The following INF2 variants were observed in gnomAD, a reference collection of about 807,000 sequenced individuals.
The protein encoded by INF2 is inverted formin-2.
INF2 carries 43 observed loss-of-function variants against 123.5 expected under a neutral mutation model. The ratio of observed to expected loss-of-function variants is 0.35; its 90% CI spans 0.27 to 0.45. The LOEUF (loss-of-function observed/expected upper bound fraction) is 0.45, where lower values mean the gene tolerates loss of function less well. Ranked by LOEUF, INF2 falls within the 20% of genes least tolerant of loss-of-function variation. INF2 has a pLI of 1.00. For synonymous variants in INF2, 851 were observed against 745.0 expected (o/e 1.14, Z -2.32); for missense variants, 1,453 against 1,682.7 (o/e 0.86, Z 2.39).
upstream of INF2, among the ~76,000 whole-genome samples, chr14:104,687,129 G>A (rs1300912717): frequency 2.0e-5 from 3 of 152,186 alleles, no homozygotes; most frequent in African/African-American, 7.2e-5. This position sits in a 1 kb window ranked among gnomAD's most constrained non-coding sequence, Gnocchi z 5.6. Context: ...CTCCAGGCAG[G>A]CCATGGCTTC....
chr14:104,697,948 G>A (rs116996185), intron 1 of INF2, among the ~76,000 whole-genome samples: 3,488 of 152,350 alleles, frequency 0.023, 65 homozygotes, highest in Non-Finnish European at 0.038. Flanking sequence ...CCAAGGCATG[G>A]GGTCTGGCCT....
At chr14:104,715,539 T>C (rs1019309644) in intron 22 of INF2, among the ~76,000 whole-genome samples, 199 bp downstream of exon 22, 1 of 152,148 alleles carries the variant, frequency 6.6e-6, no homozygotes, top group Non-Finnish European at 1.5e-5. Flanking sequence ...GGTTACCTGC[T>C]CAACTGGTGC....
At chr14:104,709,777 C>A in intron 12 of INF2, 72 bp downstream of exon 12, 1 of 1,349,104 alleles carries the variant, frequency 7.4e-7, no homozygotes. Context: ...GGGAGCAGGG[C>A]CCAGCCAGGG....
At chr14:104,683,304 T>TCCTAC (rs1222516538) in intron 1 of INF2, among the ~76,000 whole-genome samples, 1 of 152,086 alleles carries the variant, frequency 6.6e-6, no homozygotes, top group Non-Finnish European at 1.5e-5. Flanking sequence ...GCATGCATCC[T>TCCTAC]CCTACGTGCC....
At chr14:104,712,598 G>C (rs1199752562) in intron 17 of INF2, 45 bp downstream of exon 17, 1 of 1,611,570 alleles carries the variant, frequency 6.2e-7, no homozygotes, top group African/African-American at 1.3e-5. Flanking sequence ...AGGCTGCCCT[G>C]ATAGAGTGAG....
intron 21 of INF2, 107 bp downstream of exon 21, chr14:104,714,963 G>A (rs572403326): frequency 1.6e-6 from 2 of 1,246,934 alleles, no homozygotes; most frequent in African/African-American, 3.0e-5. Context: ...GCACCCAGGA[G>A]AGGTGACTTG....
At chr14:104,698,065 T>C (rs1049994179) in intron 1 of INF2, among the ~76,000 whole-genome samples, 5 of 152,248 alleles carry the variant, frequency 3.3e-5, no homozygotes, top group African/African-American at 1.2e-4. Context: ...TTCCTGTGCC[T>C]GTGGGGAGGT....
intron 20 of INF2, among the ~76,000 whole-genome samples, chr14:104,713,892 C>G (rs76501953): frequency 6.6e-6 from 1 of 152,242 alleles, no homozygotes. Context: ...GCCCACTGAC[C>G]GATGCCCTTG....
intron 19 of INF2, 45 bp from the exon 20 acceptor site, chr14:104,713,400 G>A: frequency 6.3e-7 from 1 of 1,590,604 alleles, no homozygotes; most frequent in Non-Finnish European, 8.6e-7. Context: ...CTCTAGGTGG[G>A]CTCCAGGGTC....
At chr14:104,683,667 G>C (rs1346838089) in intron 1 of INF2, among the ~76,000 whole-genome samples, 1 of 143,112 alleles carries the variant, frequency 7.0e-6, no homozygotes, top group Non-Finnish European at 1.5e-5. Flanking sequence ...GGAGACTTTG[G>C]AGACCTACAA....
At position 104,707,436 on chromosome 14, in the gene INF2, C is replaced by T; in HGVS notation, c.1169C>T (p.Ala390Val). 6.4e-7 allele frequency: 1 copy of T among 1,572,074 alleles called. No homozygotes were observed. Among genetic ancestry groups the T allele is most frequent in the Non-Finnish European group, 8.6e-7 (1 of 1,159,788 alleles). ...AGCGTGGAGGGCCAGCAGCCAGCAG[C>T]AGCTGCTGCCTGCGAGCCCGTGGAC... ...KPSVEGQQPA[A>V]AAACEPVDHA... is the part of the protein sequence containing the mutation. Residue 390 changes from alanine to valine, a missense_variant, in exon 8 of 23, where the codon GCA becomes GTA. Ala to Val is a moderately conservative substitution (Grantham distance 64, BLOSUM62 0). Coordinates refer to ENST00000392634, the MANE Select transcript of INF2 (RefSeq NM_022489.4).
intron 5 of INF2, among the ~76,000 whole-genome samples, chr14:104,705,290 G>T (rs1889730410): frequency 6.6e-6 from 1 of 152,210 alleles, no homozygotes. Context: ...GGTGGCATGT[G>T]CCTGCAATCC....
At chr14:104,715,132 A>G (rs907685045) in intron 21 of INF2, among the ~76,000 whole-genome samples, 152 bp from the exon 22 acceptor site, 2 of 152,204 alleles carry the variant, frequency 1.3e-5, no homozygotes, top group Admixed American at 6.5e-5. Context: ...GTCCCAGGCA[A>G]GTGGCTGCCA....
intron 1 of INF2, among the ~76,000 whole-genome samples, chr14:104,698,648 G>A (rs898017374): frequency 6.6e-6 from 1 of 152,224 alleles, no homozygotes. Context: ...TCAGAGTGCT[G>A]CATATATGGT....
At chr14:104,702,749 T>G (rs1288853062) in intron 2 of INF2, among the ~76,000 whole-genome samples, 3 of 152,250 alleles carry the variant, frequency 2.0e-5, no homozygotes, top group Non-Finnish European at 4.4e-5. Context: ...CCCAGAACTT[T>G]CACAGCTCCA....
At chr14:104,689,889 T>G (rs2140591146) in intron 1 of INF2, 150 bp downstream of exon 1, 4 of 331,226 alleles carry the variant, frequency 1.2e-5, no homozygotes, top group Non-Finnish European at 1.7e-5. Context: ...CAGGGTACAG[T>G]TCCCGGGCGG....
chr14:104,717,274 GGT>G, intron 22 of INF2, among the ~76,000 whole-genome samples: 2 of 134,500 alleles, frequency 1.5e-5, no homozygotes, highest in African/African-American at 5.9e-5. Flanking sequence ...CACCGGGCAG[GGT>G]GCGCTGCCGT....
chr14:104,702,313 C>CAGGCCCT (rs762925494), intron 2 of INF2, among the ~76,000 whole-genome samples: 3 of 152,242 alleles, frequency 2.0e-5, no homozygotes, highest in Non-Finnish European at 4.4e-5. Context: ...GGCAGGCAGG[C>CAGGCCCT]AGGCCCTTGG....
Position 104,706,960 on chromosome 14 carries a change from C to G in INF2, c.894C>G (p.Leu298=), listed in dbSNP as rs1271012052. The G allele has an allele frequency of 2.5e-6, 4 of 1,602,244 alleles. No individual in the cohort carries two copies. In the Admixed American group the frequency reaches 5.0e-5, roughly 20 times the overall value. The change falls in exon 7 of 23, where the codon CTC becomes CTG. Residue 298 remains leucine (L), a synonymous_variant. Coordinates refer to ENST00000392634, the MANE Select transcript of INF2 (RefSeq NM_022489.4). ...SAQLLSVLQG[L]LHLEPTLRSS... ...AGCTCCTGTCGGTGCTGCAGGGCCT[C>G]CTGCACCTGGAGCCCACCCTCCGCT... is the stretch of plus-strand genomic sequence containing the variant.
Sources: gnomAD v4.1 joint callset for allele counts (sites outside exome capture counted in the v4.1 genomes callset) on GRCh38, gnomAD v4.1.1 for gene constraint, Gnocchi (gnomAD v3.1) non-coding constraint, MANE v1.5 for transcripts, NCBI Gene and HGNC (gene_info 2026-07-23, HGNC 2026-07-21) for gene names.